Variants in ARHGAP6 observed in about 807,000 individuals in gnomAD.
ARHGAP6 encodes the protein Rho GTPase activating protein 6.
A neutral mutation model predicts 55.7 loss-of-function variants in ARHGAP6; 16 were observed. The observed-to-expected ratio is 0.29, with a 90% CI of 0.19 to 0.44. The LOEUF is 0.44. Ranked by LOEUF, ARHGAP6 falls within the 20% of genes least tolerant of loss-of-function variation. ARHGAP6 has a pLI of 1.00. For synonymous variants in ARHGAP6, 382 were observed against 360.9 expected, an observed-to-expected ratio of 1.06 and a Z score of -0.66; for missense variants, 698 against 808.9, an observed-to-expected ratio of 0.86 and a Z score of 1.66.
Position 11,171,236 on chromosome X carries a change from A to C in ARHGAP6, c.1630-1552T>G, listed in dbSNP as rs368525414. ...AGCCAAAAGAAAAAAAAATGCCCAT[A>C]ATTTCACCACTGCCAAGAATCAGCC... is the stretch of plus-strand genomic sequence containing the variant. On this transcript the variant is annotated intron_variant, in intron 8 of 12. Coordinates refer to ENST00000337414, the MANE Select transcript of ARHGAP6 (RefSeq NM_013427.3). Among the ~76,000 whole-genome samples, 4 of 111,292 alleles carry C rather than the reference A, an allele frequency of 3.6e-5. No homozygotes were observed. The East Asian group carries it at 1.1e-3, about 31-fold the overall frequency.
At chrX:11,417,057 TAC>T (rs749157488) in intron 1 of ARHGAP6, among the ~76,000 whole-genome samples, 3 of 52,010 alleles carry the variant, frequency 5.8e-5, no homozygotes, top group African/African-American at 1.5e-4. Context: ...TATGGGTGTG[TAC>T]ATATATATAT....
At chrX:11,248,592 C>A (rs2047382800) in intron 2 of ARHGAP6, among the ~76,000 whole-genome samples, 1 of 111,644 alleles carries the variant, frequency 9.0e-6, no homozygotes, top group African/African-American at 3.3e-5. Flanking sequence ...ACAATCCCAT[C>A]AAAAAGTGGG....
At chrX:11,157,924 A>G (rs1356590500) in intron 9 of ARHGAP6, among the ~76,000 whole-genome samples, 1 of 112,201 alleles carries the variant, frequency 8.9e-6, no homozygotes, top group Non-Finnish European at 1.9e-5. Flanking sequence ...TCAGAATTGT[A>G]CTAAAGCTTC....
At chrX:11,582,398 T>G (rs889311808) in intron 1 of ARHGAP6, among the ~76,000 whole-genome samples, 30 of 112,340 alleles carry the variant, frequency 2.7e-4, no homozygotes, top group African/African-American at 9.7e-4. Context: ...CAATGTTTAA[T>G]GATTTCCCCG....
chrX:11,141,752 C>T (rs779969237), intron 12 of ARHGAP6, among the ~76,000 whole-genome samples: 3 of 112,275 alleles, frequency 2.7e-5, no homozygotes, highest in East Asian at 2.8e-4. Flanking sequence ...TTATATTTGA[C>T]GCACTTCCCT....
In ARHGAP6 at chrX:11,521,777, T is replaced by C. The variant is rs1179943970; in HGVS notation, c.588+142464A>G. ...ATGGCCATTTTCATGATATTGATTC[T>C]TCCTACCCATGAGCATGGAATGTTC... is the stretch of plus-strand genomic sequence containing the variant. On this transcript the variant is annotated intron_variant, in intron 1 of 12. Coordinates refer to ENST00000337414, the MANE Select transcript of ARHGAP6 (RefSeq NM_013427.3). 3.6e-5 allele frequency among the ~76,000 whole-genome samples: 4 copies of C among 111,262 alleles called. No homozygotes were observed. The South Asian group carries it at 1.5e-3, about 42-fold the overall frequency.
intron 1 of ARHGAP6, among the ~76,000 whole-genome samples, chrX:11,404,029 G>A (rs989603005): frequency 1.8e-5 from 2 of 112,123 alleles, no homozygotes; most frequent in Non-Finnish European, 3.8e-5. Flanking sequence ...TTGCATTTAT[G>A]AATGCAAATA....
At chrX:11,396,249 T>A (rs1244315301) in intron 1 of ARHGAP6, among the ~76,000 whole-genome samples, 1 of 109,604 alleles carries the variant, frequency 9.1e-6, no homozygotes, top group African/African-American at 3.3e-5. Flanking sequence ...TTCTTCAGAG[T>A]CAAGCAGTCA....
intron 1 of ARHGAP6, chrX:11,427,815 AGAGGAGGAGGAGGAGGAG>A (rs775959764): frequency 4.1e-3 from 785 of 192,181 alleles, no homozygotes; most frequent in South Asian, 8.5e-3. Flanking sequence ...GGGAGGGGGA[AGAGGAGGAGGAGGAGGAG>A]GAGGAGGAGG....
chrX:11,643,136 C>A (rs2052492561), intron 1 of ARHGAP6, among the ~76,000 whole-genome samples: 1 of 111,623 alleles, frequency 9.0e-6, no homozygotes, highest in Non-Finnish European at 1.9e-5. Flanking sequence ...AGAGTCCTTT[C>A]CCCTGCATGA....
chrX:11,230,488 G>A (rs999917064), intron 2 of ARHGAP6, among the ~76,000 whole-genome samples: 7 of 111,243 alleles, frequency 6.3e-5, no homozygotes, highest in South Asian at 3.8e-4. Context: ...GAGCCACCGC[G>A]CCCGGCCAAA....
chrX:11,240,652 T>C (rs993273451), intron 2 of ARHGAP6, among the ~76,000 whole-genome samples: 1 of 111,632 alleles, frequency 9.0e-6, no homozygotes, highest in Middle Eastern at 4.6e-3. Context: ...ATAGGTGAGA[T>C]TCTGAGCTAG....
rs1204925814 is a variant in ARHGAP6 at position 11,496,568 on chromosome X, G to C, written c.588+167673C>G. 2.7e-5 allele frequency among the ~76,000 whole-genome samples: 3 copies of C among 109,747 alleles called. No homozygotes were observed. In the Admixed American group the frequency reaches 2.9e-4, roughly 11 times the overall value. On this transcript the variant is annotated intron_variant, in intron 1 of 12. Coordinates refer to ENST00000337414, the MANE Select transcript of ARHGAP6 (RefSeq NM_013427.3). ...CAGTTAAATGTATTCAGATTATTTTGAACTAGAAAAAAAAAGAATTATTGT... is the reference window on the plus strand; with the variant it reads ...CAGTTAAATGTATTCAGATTATTTTCAACTAGAAAAAAAAAGAATTATTGT...
chrX:11,267,267 A>G (rs1175753688), intron 1 of ARHGAP6, among the ~76,000 whole-genome samples: 3 of 112,372 alleles, frequency 2.7e-5, no homozygotes, highest in African/African-American at 9.7e-5. Flanking sequence ...TTATAAATAG[A>G]TGACAGCAAC....
intron 9 of ARHGAP6, among the ~76,000 whole-genome samples, chrX:11,159,305 C>T (rs1418382389): frequency 9.0e-6 from 1 of 111,416 alleles, no homozygotes; most frequent in Admixed American, 9.5e-5. Flanking sequence ...CAGCATCACT[C>T]TGGCTGCTGA....
intron 1 of ARHGAP6, among the ~76,000 whole-genome samples, chrX:11,405,470 A>T (rs1306835824): frequency 3.6e-5 from 4 of 112,022 alleles, no homozygotes; most frequent in African/African-American, 9.7e-5. Flanking sequence ...CTTTCTTTTT[A>T]AAAAAATTAC....
At chrX:11,653,957 T>C (rs1259015149) in intron 1 of ARHGAP6, among the ~76,000 whole-genome samples, 1 of 105,275 alleles carries the variant, frequency 9.5e-6, no homozygotes, top group East Asian at 2.8e-4. Context: ...AATTGTTATT[T>C]TGTTTGTCAC....
rs1001350844 is a variant in ARHGAP6, at chrX:11,366,514, G to A, written c.589-111807C>T. 9.8e-5 allele frequency among the ~76,000 whole-genome samples: 11 copies of A among 111,912 alleles called. No individual in the cohort carries two copies. The Admixed American group carries it at 1.0e-3, about 11-fold the overall frequency. On this transcript the variant is annotated intron_variant, in intron 1 of 12. Coordinates refer to ENST00000337414, the MANE Select transcript of ARHGAP6 (RefSeq NM_013427.3). ...TAGCAGAAACCAAGAGACATCAGAT[G>A]TCATGAAGGAGCAGAAGCCATGAGG... is the stretch of plus-strand genomic sequence containing the variant.
chrX:11,448,968 T>C (rs2050119335), intron 1 of ARHGAP6, among the ~76,000 whole-genome samples: 1 of 111,993 alleles, frequency 8.9e-6, no homozygotes, highest in African/African-American at 3.2e-5. Flanking sequence ...GGGTTTTATA[T>C]GCAGCAATAC....
Sources: allele counts gnomAD v4.1 joint callset (sites outside exome capture counted in the v4.1 genomes callset), GRCh38; gene constraint gnomAD v4.1.1; transcripts MANE v1.5; gene names NCBI Gene and HGNC (gene_info 2026-07-23, HGNC 2026-07-21).